WDR37: variants seen among roughly 807,000 people sequenced by gnomAD.
The protein encoded by WDR37 is WD repeat domain 37.
Under a neutral mutation model 62.9 loss-of-function variants are expected in WDR37, and 19 were observed. That is an observed-to-expected ratio of 0.30 (90% CI 0.21 to 0.44). The LOEUF is 0.44. WDR37 is among the 20% of genes least tolerant of loss of function. The pLI is 1.00. For synonymous variants in WDR37, 250 were observed against 260.9 expected (o/e 0.96, Z 0.40); for missense variants, 474 against 657.6 (o/e 0.72, Z 3.05).
intron 5 of WDR37, among the ~76,000 whole-genome samples, chr10:1,081,502 A>C (rs1834027464): frequency 1.3e-5 from 2 of 152,240 alleles, no homozygotes; most frequent in African/African-American, 4.8e-5. Context: ...TGCAATTAAT[A>C]GAGCAAATTT....
At chr10:1,102,508 C>T (rs940234423) in intron 9 of WDR37, among the ~76,000 whole-genome samples, 2 of 151,246 alleles carry the variant, frequency 1.3e-5, no homozygotes, top group Non-Finnish European at 2.9e-5. Context: ...GGGGAGGCTT[C>T]AGGGAGCTTG....
Position 1,118,795 on chromosome 10 carries a change from C to T in WDR37, c.1104-5423C>T, listed in dbSNP as rs151239487. Reference sequence around the variant, plus strand: ...CCAGTGCTTTAGGAGTGTGCACGCACTGCCACGCTGTCTCCCTGCCCTGAT... The same window carrying T: ...CCAGTGCTTTAGGAGTGTGCACGCATTGCCACGCTGTCTCCCTGCCCTGAT... On this transcript the variant is annotated intron_variant, in intron 11 of 13. Transcript: ENST00000263150. 1.6e-3 allele frequency among the ~76,000 whole-genome samples: 243 copies of T among 152,340 alleles called. 1 individual carries two copies. The highest frequency in any genetic ancestry group is 6.8e-3 in the Middle Eastern group (2 of 294).
chr10:1,081,982 A>G (rs182109809), intron 5 of WDR37, among the ~76,000 whole-genome samples: 42 of 152,356 alleles, frequency 2.8e-4, no homozygotes, highest in Non-Finnish European at 5.6e-4. Context: ...AAAATGTATT[A>G]GAGATATTTA....
intron 2 of WDR37, among the ~76,000 whole-genome samples, chr10:1,075,151 C>T (rs111513372): frequency 1.6e-4 from 25 of 152,284 alleles, no homozygotes; most frequent in African/African-American, 4.1e-4. Flanking sequence ...TTTGTAAGCG[C>T]GCTCTTCCTG....
At position 1,103,877 on chromosome 10, in the gene WDR37, T is replaced by C. The variant is rs1423200287; in HGVS notation, c.961+41T>C. ...GAGTCCGCCGCCTCCTGGCTGTGCA[T>C]GTTAGTTTATGTCCATGGGTTATGT... On this transcript the variant is annotated intron_variant, in intron 10 of 13. Coordinates refer to ENST00000263150, the MANE Select transcript of WDR37 (RefSeq NM_014023.4). The surrounding 1 kb of genome is among the most constrained non-coding windows in gnomAD (Gnocchi z 6.3). 6.3e-7 allele frequency: 1 copy of C among 1,590,136 alleles called. No individual in the cohort carries two copies. Among genetic ancestry groups the C allele is most frequent in the Non-Finnish European group, 8.6e-7 (1 of 1,164,128 alleles).
chr10:1,072,412 G>A, intron 2 of WDR37, 119 bp downstream of exon 2: 2 of 1,366,868 alleles, frequency 1.5e-6, no homozygotes, highest in Non-Finnish European at 2.0e-6. Flanking sequence ...CCTCCTGGGT[G>A]GAAGTGATTC....
At position 1,084,398 on chromosome 10, in the gene WDR37, T is replaced by A; in HGVS notation, c.397-5T>A. ...GTTTCACAAGACTCCCCATCTTGGTTTCAGATTGTCTCCAGCTTTAAGACC... is the reference window on the plus strand; with the variant it reads ...GTTTCACAAGACTCCCCATCTTGGTATCAGATTGTCTCCAGCTTTAAGACC... On this transcript the variant is annotated splice_polypyrimidine_tract_variant and splice_region_variant and intron_variant, in intron 5 of 13. Transcript: ENST00000263150. The A allele has an allele frequency of 6.2e-7, 1 of 1,606,206 alleles. No homozygotes were observed. Among genetic ancestry groups the A allele is most frequent in the Non-Finnish European group, 8.5e-7 (1 of 1,173,486 alleles).
At position 1,132,068 on chromosome 10, in the gene WDR37, T is replaced by C. The variant is rs1020330719; in HGVS notation, c.*2724T>C. 1 of 152,698 alleles carries C rather than the reference T, an allele frequency of 6.5e-6. No homozygotes were observed. Among genetic ancestry groups the C allele is most frequent in the African/African-American group, 2.4e-5 (1 of 41,480 alleles). The allele number at this position is 152,698 out of a possible 1,614,324, so 9.5% of individuals were successfully genotyped here. Reference sequence around the variant, plus strand: ...ATGCATTTATAAGTGTTCCATGGAATCAGTTTTTATTGTATCGATATAATT... The same window carrying C: ...ATGCATTTATAAGTGTTCCATGGAACCAGTTTTTATTGTATCGATATAATT... On this transcript the variant is annotated 3_prime_UTR_variant, in exon 14 of 14. Coordinates refer to ENST00000263150, the MANE Select transcript of WDR37 (RefSeq NM_014023.4).
At chr10:1,093,111 A>G (rs895757826) in intron 7 of WDR37, among the ~76,000 whole-genome samples, 6 of 152,100 alleles carry the variant, frequency 3.9e-5, no homozygotes, top group African/African-American at 1.2e-4. Flanking sequence ...CTGCCACACT[A>G]TAATTTGTCT....
At chr10:1,096,396 T>C (rs945274928) in intron 9 of WDR37, 150 bp downstream of exon 9, 5 of 796,552 alleles carry the variant, frequency 6.3e-6, no homozygotes, top group African/African-American at 3.4e-5. Flanking sequence ...AATTTGGAGA[T>C]TGGGCCTCTA....
At chr10:1,069,389 A>ATATATATATATTTTT in intron 1 of WDR37, among the ~76,000 whole-genome samples, 46 of 95,770 alleles carry the variant, frequency 4.8e-4, no homozygotes, top group African/African-American at 1.1e-3. Flanking sequence ...ATATATATAT[A>ATATATATATATTTTT]TTTTTTTTTT....
chr10:1,072,167 A>C lies in WDR37; in HGVS notation c.12A>C (p.Glu4Asp). 1 of 1,614,186 alleles carries C rather than the reference A, an allele frequency of 6.2e-7. No individual in the cohort carries two copies. The highest frequency in any genetic ancestry group is 1.7e-5 in the Admixed American group (1 of 60,024). The change falls in exon 2 of 14, where the codon GAA becomes GAC. Residue 4 changes from glutamate (E) to aspartate (D), a missense_variant. Coordinates refer to ENST00000263150, the MANE Select transcript of WDR37 (RefSeq NM_014023.4). ...ACCTCCTAGAAGTAATGCCCACAGA[A>C]AGCGCAAGTTGTTCGACTGCTCGCC... Reference protein sequence around the residue: MPTESASCSTARQT... With the variant: MPTDSASCSTARQT...
intron 13 of WDR37, among the ~76,000 whole-genome samples, chr10:1,126,008 G>A (rs1835733827): frequency 6.6e-6 from 1 of 152,158 alleles, no homozygotes; most frequent in Non-Finnish European, 1.5e-5. Flanking sequence ...ATTCCCTGGC[G>A]GCTCTGCTGT....
At chr10:1,086,051 C>T (rs1337148226) in intron 6 of WDR37, among the ~76,000 whole-genome samples, 4 of 152,192 alleles carry the variant, frequency 2.6e-5, no homozygotes, top group East Asian at 1.9e-4. Flanking sequence ...AGTAGGAAAT[C>T]GAGTCTCTGG....
intron 9 of WDR37, chr10:1,096,655 G>A (rs72760942): frequency 0.11 from 19,756 of 186,552 alleles, 1,171 homozygotes; most frequent in East Asian, 0.17. Context: ...GCCTTTTGTT[G>A]CGGCAGCCAG....
intron 11 of WDR37, among the ~76,000 whole-genome samples, chr10:1,106,064 C>T (rs1033666624): frequency 6.6e-6 from 1 of 152,110 alleles, no homozygotes; most frequent in African/African-American, 2.4e-5. Flanking sequence ...GGATTACAGG[C>T]GTGAGCCACC....
At chr10:1,089,872 G>C (rs1353298030) in intron 7 of WDR37, among the ~76,000 whole-genome samples, 1 of 152,236 alleles carries the variant, frequency 6.6e-6, no homozygotes, top group African/African-American at 2.4e-5. Flanking sequence ...AGAGGTGTCA[G>C]AGAGGGGAGA....
rs148041933 is a variant in WDR37 at position 1,067,298 on chromosome 10, C to T, written c.-40-4818C>T. On this transcript the variant is annotated intron_variant, in intron 1 of 13. Coordinates refer to ENST00000263150, the MANE Select transcript of WDR37 (RefSeq NM_014023.4). ...TTACACCTTATAAAAAGGTCAGTAC[C>T]ATATAGGTAATAAATTTAGATGTGA... 3.1e-3 allele frequency among the ~76,000 whole-genome samples: 468 copies of T among 152,166 alleles called. 1 individual carries two copies. Among genetic ancestry groups the T allele is most frequent in the East Asian group, 5.4e-3 (28 of 5,176 alleles).
chr10:1,120,912 C>T (rs1835557237), intron 11 of WDR37, among the ~76,000 whole-genome samples: 2 of 152,252 alleles, frequency 1.3e-5, no homozygotes, highest in Non-Finnish European at 2.9e-5. Flanking sequence ...CGCGGCGTTT[C>T]CGCTGATGGA....
Sources: allele counts gnomAD v4.1 joint callset (sites outside exome capture counted in the v4.1 genomes callset), GRCh38; gene constraint gnomAD v4.1.1; non-coding constraint Gnocchi (gnomAD v3.1); transcripts MANE v1.5; gene names NCBI Gene and HGNC (gene_info 2026-07-23, HGNC 2026-07-21).